Variants in GIN1 observed in about 807,000 individuals in gnomAD.
GIN1 encodes gypsy retrotransposon integrase-like protein 1.
A neutral mutation model predicts 51.4 loss-of-function variants in GIN1; 41 were observed. That is an observed-to-expected ratio of 0.80 (90% CI 0.62 to 1.04). The LOEUF (loss-of-function observed/expected upper bound fraction) is 1.04, where lower values mean the gene tolerates loss of function less well. Ranked by LOEUF, GIN1 falls within the 50% of genes least tolerant of loss-of-function variation. The pLI is 0.00. For synonymous variants in GIN1, 222 were observed against 206.5 expected (o/e 1.07, Z -0.64); for missense variants, 610 against 612.4 (o/e 1.00, Z 0.04).
At chr5:103,117,200 A>T (rs1554197466) in intron 1 of GIN1, among the ~76,000 whole-genome samples, 5 of 152,110 alleles carry the variant, frequency 3.3e-5, no homozygotes, top group African/African-American at 1.2e-4. Context: ...AATACTATTA[A>T]GGATTGATAA....
chr5:103,104,790 T>G lies in GIN1; in HGVS notation c.390A>C (p.Lys130Asn). ...VAKNTVIVAP[K>N]QHLLKVENPW... ...GATTTTCCACCTTGAGAAGGTGCTG[T>G]TTCGGTGCTACAATAACTGTATTTT... Residue 130 changes from lysine (K) to asparagine (N), a missense_variant, in exon 4 of 8, where the codon AAA becomes AAC. Coordinates refer to ENST00000399004, the MANE Select transcript of GIN1 (RefSeq NM_017676.2). 6.2e-7 allele frequency: 1 copy of G among 1,612,508 alleles called. No homozygotes were observed. The highest frequency in any genetic ancestry group is 8.5e-7 in the Non-Finnish European group (1 of 1,178,782).
chr5:103,093,108 A>G lies in GIN1; in HGVS notation c.1294+3433T>C, dbSNP rs115510771. Among the ~76,000 whole-genome samples, 317 of 152,222 alleles carry G rather than the reference A, an allele frequency of 2.1e-3. 1 individual carries two copies. The highest frequency in any genetic ancestry group is 7.2e-3 in the African/African-American group (300 of 41,530). On this transcript the variant is annotated intron_variant, in intron 7 of 7. Coordinates refer to ENST00000399004, the MANE Select transcript of GIN1 (RefSeq NM_017676.2). The stretch of plus-strand genomic sequence containing the variant: ...GCTTTGTTTCATGAATGCAGACCAT[A>G]ATTGTGGTAGGCAGCATAATAGGCC...
At chr5:103,098,102 T>C (rs1480575616) in intron 4 of GIN1, among the ~76,000 whole-genome samples, 6 of 152,180 alleles carry the variant, frequency 3.9e-5, no homozygotes, top group Non-Finnish European at 7.4e-5. Context: ...AGGCTAGTCT[T>C]GAACTCCTGA....
chr5:103,104,767 T>C lies in GIN1; in HGVS notation c.413A>G (p.Asn138Ser), dbSNP rs868944595. ...APKQHLLKVE[N>S]PWSLVTVDLM... is the part of the protein sequence containing the mutation. ...ATCAACAGTAACTAAACTCCATGGA[T>C]TTTCCACCTTGAGAAGGTGCTGTTT... Residue 138 changes from asparagine (N) to serine (S), a missense_variant, in exon 4 of 8, where the codon AAT becomes AGT. Coordinates refer to ENST00000399004, the MANE Select transcript of GIN1 (RefSeq NM_017676.2). The C allele has an allele frequency of 1.3e-5, 21 of 1,611,740 alleles. No individual in the cohort carries two copies. The Middle Eastern group carries it at 2.8e-3, about 215-fold the overall frequency.
At position 103,097,741 on chromosome 5, in the gene GIN1, A is replaced by C; in HGVS notation, c.680T>G (p.Ile227Ser). ...AGTTCCAGAGGTGTGAGAAATTACA[A>C]TTTGCTTTATGCCAAACAATCTGTA... The part of the protein sequence containing the change: ...ELYRLFGIKQ[I>S]VISHTSGTVN... The change falls in exon 5 of 8, where the codon ATT (isoleucine) becomes AGT (serine). Residue 227 changes from isoleucine to serine, a missense_variant. Coordinates refer to ENST00000399004, the MANE Select transcript of GIN1 (RefSeq NM_017676.2). The C allele has an allele frequency of 6.3e-7, 1 of 1,580,576 alleles. No individual in the cohort carries two copies. The highest frequency in any genetic ancestry group is 1.1e-5 in the South Asian group (1 of 90,450).
At position 103,086,184 on chromosome 5, in the gene GIN1, G is replaced by C. The variant is rs1459821973; in HGVS notation, c.*1714C>G. 4 of 152,122 alleles carry C rather than the reference G, an allele frequency of 2.6e-5. No homozygotes were observed. Among genetic ancestry groups the C allele is most frequent in the Non-Finnish European group, 5.9e-5 (4 of 68,022 alleles). 9.4% of individuals were successfully genotyped at this position (152,122 alleles called of 1,614,324 possible). ...ATATAGAAACATAATCTTAAACTCTGCCTTTATCTTCACATGGCATTCTCC... is the reference window on the plus strand; with the variant it reads ...ATATAGAAACATAATCTTAAACTCTCCCTTTATCTTCACATGGCATTCTCC... On this transcript the variant is annotated 3_prime_UTR_variant, in exon 8 of 8. Transcript: ENST00000399004.
intron 7 of GIN1, among the ~76,000 whole-genome samples, chr5:103,089,982 A>AAAAAT (rs1209140622): frequency 6.6e-6 from 1 of 152,126 alleles, no homozygotes; most frequent in Non-Finnish European, 1.5e-5. Context: ...AAAGACAAAA[A>AAAAAT]AAAATAAAAT....
At chr5:103,090,547 A>G (rs1787209425) in intron 7 of GIN1, among the ~76,000 whole-genome samples, 1 of 152,208 alleles carries the variant, frequency 6.6e-6, no homozygotes, top group Non-Finnish European at 1.5e-5. Flanking sequence ...CCATAGGTTC[A>G]AGGCCTGTAC....
chr5:103,096,420 A>C lies in GIN1; in HGVS notation c.1294+121T>G, dbSNP rs1490470410. On this transcript the variant is annotated intron_variant, in intron 7 of 7. Transcript: ENST00000399004. ...GACTACCTGGGATAGCTAAAACTGT[A>C]ACAAATTTTATGAAGAAGGGAAAAG... is the stretch of plus-strand genomic sequence containing the variant. 4 of 767,236 alleles carry C rather than the reference A, an allele frequency of 5.2e-6. No individual in the cohort carries two copies. In the East Asian group the frequency reaches 1.0e-4, roughly 19 times the overall value. 47.5% of individuals were successfully genotyped at this position (767,236 alleles called of 1,614,324 possible). A position where few individuals can be genotyped will look rare whatever the true frequency, so the allele number is the denominator to read the frequency against.
chr5:103,119,724 C>CA (rs1197216355), intron 1 of GIN1, among the ~76,000 whole-genome samples: 1 of 152,150 alleles, frequency 6.6e-6, no homozygotes, highest in Admixed American at 6.5e-5. Flanking sequence ...TGTGAGGGAG[C>CA]ATTTCCTAAG....
Position 103,087,272 on chromosome 5 carries a change from G to C in GIN1, c.*626C>G, listed in dbSNP as rs550154720. The C allele has an allele frequency of 1.3e-5, 2 of 152,110 alleles. No homozygotes were observed. The highest frequency in any genetic ancestry group is 4.8e-5 in the African/African-American group (2 of 41,412). 9.4% of individuals were successfully genotyped at this position (152,110 alleles called of 1,614,324 possible). A position where few individuals can be genotyped will look rare whatever the true frequency, so the allele number is the denominator to read the frequency against. On this transcript the variant is annotated 3_prime_UTR_variant, in exon 8 of 8. Coordinates refer to ENST00000399004, the MANE Select transcript of GIN1 (RefSeq NM_017676.2). ...ATTACAGGTGTGGGCCACCATGCCTGGTCGATGGTTTTATCTTTAATATAT... is the reference window on the plus strand; with the variant it reads ...ATTACAGGTGTGGGCCACCATGCCTCGTCGATGGTTTTATCTTTAATATAT...
rs555049340 is a variant in GIN1, at chr5:103,098,953, C to A, written c.640-1172G>T. 1.1e-4 allele frequency among the ~76,000 whole-genome samples: 16 copies of A among 152,010 alleles called. 1 individual carries two copies. In the South Asian group the frequency reaches 3.3e-3, roughly 32 times the overall value. ...GTTTACAAAACTTTTAACAGTAAAC[C>A]CATTAAATATAAAATAATATTTTTT... is the stretch of plus-strand genomic sequence containing the variant. On this transcript the variant is annotated intron_variant, in intron 4 of 7. Transcript: ENST00000399004.
chr5:103,107,646 G>A (rs539595602), intron 2 of GIN1, among the ~76,000 whole-genome samples: 2 of 152,062 alleles, frequency 1.3e-5, no homozygotes, highest in Admixed American at 1.3e-4. Context: ...CTAAGAGCAG[G>A]AACCTTATCT....
rs909859893 is a variant in GIN1 at position 103,087,620 on chromosome 5, G to A, written c.*278C>T. On this transcript the variant is annotated 3_prime_UTR_variant, in exon 8 of 8. Transcript: ENST00000399004. ...ACCATACAAAGGTTTGAGAGATTTGGGCTGGAATTTATTTCCCAAGAAGTA... is the reference window on the plus strand; with the variant it reads ...ACCATACAAAGGTTTGAGAGATTTGAGCTGGAATTTATTTCCCAAGAAGTA... 3 of 214,152 alleles carry A rather than the reference G, an allele frequency of 1.4e-5. No homozygotes were observed. Among genetic ancestry groups the A allele is most frequent in the Non-Finnish European group, 2.7e-5 (3 of 110,150 alleles). The allele number at this position is 214,152 out of a possible 1,614,324, so 13.3% of individuals were successfully genotyped here.
At position 103,096,549 on chromosome 5, in the gene GIN1, C is replaced by A; in HGVS notation, c.1286G>T (p.Ser429Ile). ...AAGTGACAGATATTTACCTTGTTCACTGGATTCTCTTATGTAGGGCTTAAG... is the reference window on the plus strand; with the variant it reads ...AAGTGACAGATATTTACCTTGTTCAATGGATTCTCTTATGTAGGGCTTAAG... ...SHLKPYIRES[S>I]EQESLYLLQG... The change falls in exon 7 of 8, where the codon AGT becomes ATT. Residue 429 changes from serine (S) to isoleucine (I), a missense_variant. Ser to Ile is a moderately radical substitution (Grantham distance 142). Transcript: ENST00000399004. The A allele has an allele frequency of 6.2e-7, 1 of 1,602,650 alleles. No homozygotes were observed. The highest frequency in any genetic ancestry group is 8.5e-7 in the Non-Finnish European group (1 of 1,173,022).
intron 7 of GIN1, among the ~76,000 whole-genome samples, chr5:103,088,954 C>G (rs1271680344): frequency 1.3e-5 from 2 of 151,924 alleles, no homozygotes; most frequent in Non-Finnish European, 2.9e-5. Context: ...TTTATAAAAC[C>G]CATATTGGAA....
chr5:103,109,048 T>TAC (rs538929292), intron 1 of GIN1, among the ~76,000 whole-genome samples: 209 of 152,256 alleles, frequency 1.4e-3, no homozygotes, highest in African/African-American at 4.8e-3. Context: ...ACTGAAATGT[T>TAC]ACATTCACAG....
rs1787678476 is a variant in GIN1, at chr5:103,104,785, T to C, written c.395A>G (p.His132Arg). 3 of 1,612,640 alleles carry C rather than the reference T, an allele frequency of 1.9e-6. No homozygotes were observed. In the East Asian group the frequency reaches 6.7e-5, roughly 36 times the overall value. Residue 132 changes from histidine (H) to arginine (R), a missense_variant, in exon 4 of 8, where the codon CAC becomes CGC. Coordinates refer to ENST00000399004, the MANE Select transcript of GIN1 (RefSeq NM_017676.2). ...KNTVIVAPKQ[H>R]LLKVENPWSL... The stretch of plus-strand genomic sequence containing the variant: ...CCATGGATTTTCCACCTTGAGAAGG[T>C]GCTGTTTCGGTGCTACAATAACTGT...
chr5:103,104,410 CAT>C lies in GIN1; in HGVS notation c.639+129_639+130del. The C allele has an allele frequency of 5.2e-6, 3 of 575,240 alleles. 1 individual carries two copies. The South Asian group carries it at 7.1e-5, about 14-fold the overall frequency. The allele number at this position is 575,240 out of a possible 1,614,324, so 35.6% of individuals were successfully genotyped here. ...CAACTATCCTTGTAGTATTTAATAT[CAT>C]ACCTCTATACCTACAGAAATTTATC... On this transcript the variant is annotated intron_variant, in intron 4 of 7. Coordinates refer to ENST00000399004, the MANE Select transcript of GIN1 (RefSeq NM_017676.2).
Sources: allele counts gnomAD v4.1 joint callset (sites outside exome capture counted in the v4.1 genomes callset), GRCh38; gene constraint gnomAD v4.1.1; transcripts MANE v1.5; gene names NCBI Gene and HGNC (gene_info 2026-07-23, HGNC 2026-07-21).